Variants in WASF2 observed in about 807,000 individuals in gnomAD.
WASF2 encodes the protein actin-binding protein WASF2.
Under a neutral mutation model 45.0 loss-of-function variants are expected in WASF2, and 14 were observed. The ratio of observed to expected loss-of-function variants is 0.31; its 90% CI spans 0.21 to 0.49. The LOEUF (loss-of-function observed/expected upper bound fraction) is 0.49. Among genes scored for constraint, WASF2 ranks in the 20% least tolerant of loss-of-function variants. WASF2 has a pLI of 0.99. For synonymous variants in WASF2, 200 were observed against 236.3 expected, an observed-to-expected ratio of 0.85 and a Z score of 1.41; for missense variants, 439 against 636.1, an observed-to-expected ratio of 0.69 and a Z score of 3.33.
At chr1:27,461,019 G>A (rs779817249) in intron 1 of WASF2, among the ~76,000 whole-genome samples, 5 of 151,944 alleles carry the variant, frequency 3.3e-5, no homozygotes, top group South Asian at 2.1e-4. Flanking sequence ...GTTTGTGGGC[G>A]CCTGTAGTCC....
At chr1:27,409,045 T>C (rs1489218176) in intron 8 of WASF2, among the ~76,000 whole-genome samples, 1 of 151,242 alleles carries the variant, frequency 6.6e-6, no homozygotes, top group Non-Finnish European at 1.5e-5. Flanking sequence ...TGATGAAAAA[T>C]GGGGATCCTT....
chr1:27,488,206 C>A (rs1557627072), intron 1 of WASF2, among the ~76,000 whole-genome samples: 1 of 152,150 alleles, frequency 6.6e-6, no homozygotes, highest in Admixed American at 6.6e-5. Context: ...GAGAACAATA[C>A]CCATAGCCGT....
chr1:27,475,720 T>C (rs1364246970), intron 1 of WASF2, among the ~76,000 whole-genome samples: 1 of 152,174 alleles, frequency 6.6e-6, no homozygotes, highest in South Asian at 2.1e-4. Context: ...CTCTGCCTCC[T>C]GGGTTCAAGT....
At chr1:27,420,513 G>A (rs2016891270) in intron 2 of WASF2, among the ~76,000 whole-genome samples, 1 of 94,988 alleles carries the variant, frequency 1.1e-5, no homozygotes, top group African/African-American at 3.5e-5. Flanking sequence ...TACCATCTGA[G>A]CTTTTTTTTT....
At chr1:27,421,133 A>T (rs1214203671) in intron 2 of WASF2, among the ~76,000 whole-genome samples, 1 of 152,226 alleles carries the variant, frequency 6.6e-6, no homozygotes, top group African/African-American at 2.4e-5. Context: ...AAGTCCTTGC[A>T]TATTGATCGT....
intron 1 of WASF2, among the ~76,000 whole-genome samples, chr1:27,477,925 A>AT (rs199934823): frequency 0.029 from 4,282 of 146,562 alleles, 972 homozygotes; most frequent in African/African-American, 0.11. Flanking sequence ...TAAATAAAAA[A>AT]AAAAATAAAA....
At position 27,463,806 on chromosome 1, in the gene WASF2, T is replaced by TA. The variant is rs1173807731; in HGVS notation, c.-44+26179_-44+26180insT. On this transcript the variant is annotated intron_variant, in intron 1 of 8. Transcript: ENST00000618852. ...GCCTCCTTTATATTATTATTATTATTTTTTTTTTTTTTTGAGACAGAGTTT... is the reference window on the plus strand; with the variant it reads ...GCCTCCTTTATATTATTATTATTATTATTTTTTTTTTTTTGAGACAGAGTTT... 6.0e-4 allele frequency among the ~76,000 whole-genome samples: 82 copies of TA among 137,768 alleles called. 1 individual carries two copies. The highest frequency in any genetic ancestry group is 8.4e-4 in the African/African-American group (28 of 33,206). 90.4% of individuals were successfully genotyped at this position (137,768 alleles called of 152,430 possible). A position where few individuals can be genotyped will look rare whatever the true frequency, so the allele number is the denominator to read the frequency against.
chr1:27,429,001 CTTTTTTTTTT>C, intron 1 of WASF2, 68 bp from the exon 2 acceptor site: 1 of 719,378 alleles, frequency 1.4e-6, no homozygotes, highest in Non-Finnish European at 2.0e-6. Context: ...CTGTGTGAAT[CTTTTTTTTTT>C]TTTTTTTTGG....
intron 7 of WASF2, among the ~76,000 whole-genome samples, chr1:27,411,021 T>C (rs1251433540): frequency 6.6e-6 from 1 of 152,194 alleles, no homozygotes; most frequent in Non-Finnish European, 1.5e-5. Flanking sequence ...TTTTGGAATT[T>C]TCCACAGACC....
Position 27,405,854 on chromosome 1 carries a change from A to T in WASF2, c.*2335T>A, listed in dbSNP as rs1319776951. 4 of 152,538 alleles carry T rather than the reference A, an allele frequency of 2.6e-5. No homozygotes were observed. Among genetic ancestry groups the T allele is most frequent in the East Asian group, 1.9e-4 (1 of 5,158 alleles). The allele number at this position is 152,538 out of a possible 1,614,324, so 9.4% of individuals were successfully genotyped here. On this transcript the variant is annotated 3_prime_UTR_variant, in exon 9 of 9. Coordinates refer to ENST00000618852, the MANE Select transcript of WASF2 (RefSeq NM_006990.5). ...GAACATAGCACATCGAAACCCTAGGAGGTCACTGAGCTAATGATCTAATCC... is the reference window on the plus strand; with the variant it reads ...GAACATAGCACATCGAAACCCTAGGTGGTCACTGAGCTAATGATCTAATCC...
At chr1:27,487,495 AATATT>A (rs1408294145) in intron 1 of WASF2, among the ~76,000 whole-genome samples, 2 of 97,068 alleles carry the variant, frequency 2.1e-5, no homozygotes, top group African/African-American at 4.2e-5. Context: ...TATATTATAT[AATATT>A]ATAATATATG....
intron 2 of WASF2, among the ~76,000 whole-genome samples, chr1:27,425,885 T>A (rs2016973738): frequency 7.1e-6 from 1 of 141,318 alleles, no homozygotes; most frequent in Non-Finnish European, 1.5e-5. Flanking sequence ...TGGTGGCACA[T>A]GCCTGTAGTC....
intron 1 of WASF2, among the ~76,000 whole-genome samples, chr1:27,484,017 C>T (rs897277855): frequency 6.6e-6 from 1 of 152,080 alleles, no homozygotes; most frequent in African/African-American, 2.4e-5. Context: ...ACTCCACCTG[C>T]AACTCTTGAT....
At chr1:27,435,928 C>G (rs1434624246) in intron 1 of WASF2, among the ~76,000 whole-genome samples, 1 of 152,244 alleles carries the variant, frequency 6.6e-6, no homozygotes, top group Non-Finnish European at 1.5e-5. Context: ...ACCATCACAA[C>G]AGAAATGCTT....
intron 6 of WASF2, among the ~76,000 whole-genome samples, chr1:27,413,177 G>A (rs891714061): frequency 2.6e-5 from 4 of 152,198 alleles, no homozygotes; most frequent in Admixed American, 6.5e-5. Flanking sequence ...TGGAGAGCTC[G>A]AAGGCCAAGG....
At chr1:27,442,584 C>T (rs1309433450) in intron 1 of WASF2, among the ~76,000 whole-genome samples, 1 of 151,572 alleles carries the variant, frequency 6.6e-6, no homozygotes, top group South Asian at 2.1e-4. Context: ...ATAGGCCAGG[C>T]GTGGTGCCTC....
chr1:27,420,725 G>A (rs1197356563), intron 2 of WASF2, among the ~76,000 whole-genome samples: 1 of 151,818 alleles, frequency 6.6e-6, no homozygotes, highest in East Asian at 1.9e-4. Context: ...GTTTCATCAT[G>A]TTGGCCAGGC....
At chr1:27,458,900 C>T (rs1439203929) in intron 1 of WASF2, among the ~76,000 whole-genome samples, 8 of 149,048 alleles carry the variant, frequency 5.4e-5, no homozygotes, top group South Asian at 4.3e-4. Context: ...CTGAGGCAGG[C>T]GGATCACCTG....
At position 27,416,071 on chromosome 1, in the gene WASF2, T is replaced by C; in HGVS notation, c.451A>G (p.Thr151Ala). The stretch of plus-strand genomic sequence containing the variant: ...AGATCAAAGAAGTATGAAGGGTCTG[T>C]GTAGAATTTGAGTGCCTCTTTTCCA... ...DDGKEALKFY[T>A]DPSYFFDLWK... is the part of the protein sequence containing the mutation. The change falls in exon 5 of 9, where the codon ACA (threonine) becomes GCA (alanine). Residue 151 changes from threonine (T) to alanine (A), a missense_variant. Physicochemically the swap from Thr to Ala is moderately conservative, Grantham distance 58. Around this residue, in one of 5 missense-constraint regions of WASF2, gnomAD observed 98 missense variants for 120.7 expected, o/e 0.81. Transcript: ENST00000618852. The C allele has an allele frequency of 6.2e-7, 1 of 1,614,118 alleles. No homozygotes were observed. Among genetic ancestry groups the C allele is most frequent in the Non-Finnish European group, 8.5e-7 (1 of 1,179,982 alleles).
Sources: gnomAD v4.1 joint callset for allele counts (sites outside exome capture counted in the v4.1 genomes callset) on GRCh38, gnomAD v4.1.1 for gene constraint, gnomAD v4.1.1 regional missense constraint, MANE v1.5 for transcripts, NCBI Gene and HGNC (gene_info 2026-07-23, HGNC 2026-07-21) for gene names.